The following PDIA6 variants were observed in gnomAD, a reference collection of about 807,000 sequenced individuals.
PDIA6 encodes the protein protein disulfide-isomerase A6.
PDIA6 carries 29 observed loss-of-function variants against 58.4 expected under a neutral mutation model. The ratio of observed to expected loss-of-function variants is 0.50; its 90% CI spans 0.37 to 0.68. The LOEUF (loss-of-function observed/expected upper bound fraction) is 0.68. PDIA6 is among the 30% of genes least tolerant of loss of function. The pLI is 0.00. For missense variants in PDIA6, 480 were observed against 551.0 expected (o/e 0.87, Z 1.29); for synonymous variants, 192 against 202.6 (o/e 0.95, Z 0.44).
chr2:10,802,325 A>T (rs1666545870), intron 2 of PDIA6, among the ~76,000 whole-genome samples, 174 bp downstream of exon 2: 1 of 152,166 alleles, frequency 6.6e-6, no homozygotes, highest in African/African-American at 2.4e-5. Flanking sequence ...CAAAAGACAG[A>T]TCTTCCTTAA....
At chr2:10,830,281 G>T (rs1667673325) in intron 1 of PDIA6, among the ~76,000 whole-genome samples, 1 of 152,230 alleles carries the variant, frequency 6.6e-6, no homozygotes, top group South Asian at 2.1e-4. Flanking sequence ...TGGAATGAAT[G>T]AACGCATCCG....
exon 1 of PDIA6, chr2:10,837,619 A>G (rs1344835587): frequency 2.5e-5 from 29 of 1,165,624 alleles, no homozygotes; most frequent in Non-Finnish European, 3.5e-5. Flanking sequence ...GCAGTCAGAA[A>G]AGCCCAGGCA....
chr2:10,794,462 ATCTT>A (rs1666178032), intron 4 of PDIA6, among the ~76,000 whole-genome samples: 2 of 41,954 alleles, frequency 4.8e-5, no homozygotes, highest in South Asian at 2.2e-3. Flanking sequence ...AAAAAAAAAA[ATCTT>A]TCTTTTTTTT....
intron 1 of PDIA6, among the ~76,000 whole-genome samples, chr2:10,824,281 C>A (rs1393542338): frequency 6.6e-6 from 1 of 152,110 alleles, no homozygotes; most frequent in East Asian, 1.9e-4. Flanking sequence ...GCTGCTGTGC[C>A]CAAGGTTATG....
At chr2:10,800,791 C>T (rs551858718) in intron 2 of PDIA6, among the ~76,000 whole-genome samples, 7 of 152,010 alleles carry the variant, frequency 4.6e-5, no homozygotes, top group East Asian at 1.9e-4. Flanking sequence ...TTTTTATTTT[C>T]GTAGCGATAG....
intron 3 of PDIA6, among the ~76,000 whole-genome samples, 156 bp downstream of exon 3, chr2:10,797,544 C>A (rs1165868361): frequency 6.6e-6 from 1 of 152,162 alleles, no homozygotes; most frequent in Non-Finnish European, 1.5e-5. Flanking sequence ...GACAACAGAA[C>A]CAGTATTTTC....
chr2:10,817,669 G>A (rs1169013518), upstream of PDIA6, among the ~76,000 whole-genome samples: 6 of 152,172 alleles, frequency 3.9e-5, no homozygotes, highest in Middle Eastern at 3.2e-3. Context: ...TCCACCAGGC[G>A]GAATTGTTGG....
intron 1 of PDIA6, among the ~76,000 whole-genome samples, chr2:10,824,881 C>G (rs1667504762): frequency 6.6e-6 from 1 of 152,092 alleles, no homozygotes; most frequent in East Asian, 1.9e-4. Flanking sequence ...AGAGTGTCAA[C>G]TTGATTGGAT....
intron 1 of PDIA6, among the ~76,000 whole-genome samples, chr2:10,829,591 A>C (rs1667648543): frequency 6.6e-6 from 1 of 152,180 alleles, no homozygotes; most frequent in South Asian, 2.1e-4. Flanking sequence ...TGAGTCAATC[A>C]CCAAATCCTG....
Position 10,812,736 on chromosome 2 carries a change from C to A in PDIA6, c.-40G>T. 1 of 1,482,500 alleles carries A rather than the reference C, an allele frequency of 6.7e-7. No homozygotes were observed. The highest frequency in any genetic ancestry group is 8.9e-7 in the Non-Finnish European group (1 of 1,117,822). The allele number at this position is 1,482,500 out of a possible 1,614,324, so 91.8% of individuals were successfully genotyped here. Reference sequence around the variant, plus strand: ...TACGTGCAGTCCCCACCGCCGCCGCCGCTTCAGCCCTGCAGCGTGCCGCAC... The same window carrying A: ...TACGTGCAGTCCCCACCGCCGCCGCAGCTTCAGCCCTGCAGCGTGCCGCAC... On this transcript the variant is annotated 5_prime_UTR_variant, in exon 1 of 13. Transcript: ENST00000272227.
Position 10,793,149 on chromosome 2 carries a change from G to C in PDIA6, c.400C>G (p.Leu134Val), listed in dbSNP as rs752493585. The C allele has an allele frequency of 6.2e-7, 1 of 1,614,112 alleles. No homozygotes were observed. Among genetic ancestry groups the C allele is most frequent in the East Asian group, 2.2e-5 (1 of 44,876 alleles). Reference sequence around the variant, plus strand: ...CGTCCCCCGAGGCGATCCTTCACGAGCTGGCGCAGAGCACTCAGCGCAGCA... The same window carrying C: ...CGTCCCCCGAGGCGATCCTTCACGACCTGGCGCAGAGCACTCAGCGCAGCA... ...VDAALSALRQ[L>V]VKDRLGGRSG... is the part of the protein sequence containing the mutation. The change falls in exon 5 of 13, where the codon CTC (leucine) becomes GTC (valine). Residue 134 changes from leucine (L) to valine (V), a missense_variant. By Grantham distance (32) the Leu-to-Val change is conservative. Coordinates refer to ENST00000272227, the MANE Select transcript of PDIA6 (RefSeq NM_005742.4).
chr2:10,806,629 A>AAAGAAAGAAAGAAG (rs1491187872), intron 1 of PDIA6, among the ~76,000 whole-genome samples: 1 of 69,210 alleles, frequency 1.4e-5, no homozygotes, highest in Admixed American at 1.6e-4. Flanking sequence ...AAATAAAGAC[A>AAAGAAAGAAAGAAG]GAAAGAAAGA....
upstream of PDIA6, among the ~76,000 whole-genome samples, chr2:10,816,391 C>CGT (rs1667194445): frequency 4.5e-5 from 1 of 22,160 alleles, no homozygotes; most frequent in Non-Finnish European, 8.4e-5. Context: ...CGGCCTGTAT[C>CGT]ATTTTTTTTT....
chr2:10,802,060 T>A (rs547582282), intron 2 of PDIA6, among the ~76,000 whole-genome samples: 1 of 152,380 alleles, frequency 6.6e-6, no homozygotes, highest in East Asian at 1.9e-4. Context: ...AGTGCAATGT[T>A]GTACTTTTGA....
chr2:10,791,319 TA>T (rs1666026252), intron 6 of PDIA6, among the ~76,000 whole-genome samples: 1 of 150,194 alleles, frequency 6.7e-6, no homozygotes, highest in Non-Finnish European at 1.5e-5. Flanking sequence ...AATTTTTTTG[TA>T]TTTTTAGTAG....
intron 1 of PDIA6, among the ~76,000 whole-genome samples, chr2:10,819,658 T>C (rs112612177): frequency 0.018 from 2,680 of 152,298 alleles, 91 homozygotes; most frequent in African/African-American, 0.061. Context: ...GGACACAACA[T>C]TGCACATTTG....
intron 1 of PDIA6, among the ~76,000 whole-genome samples, chr2:10,824,221 G>A (rs544927387): frequency 6.6e-6 from 1 of 151,378 alleles, no homozygotes; most frequent in African/African-American, 2.4e-5. Flanking sequence ...GTCATGGGGA[G>A]TGTTGACTGC....
intron 1 of PDIA6, chr2:10,820,927 C>G: frequency 1.4e-6 from 1 of 694,314 alleles, no homozygotes; most frequent in African/African-American, 1.8e-5. Context: ...TCCTAAGAGT[C>G]AGGAAGAGGA....
At chr2:10,786,074 G>A (rs950051544) in intron 11 of PDIA6, among the ~76,000 whole-genome samples, 3 of 152,120 alleles carry the variant, frequency 2.0e-5, no homozygotes, top group Non-Finnish European at 1.5e-5. Flanking sequence ...TGTAATCCCA[G>A]CATTTTGGGA....
Sources: allele counts gnomAD v4.1 joint callset (sites outside exome capture counted in the v4.1 genomes callset), GRCh38; gene constraint gnomAD v4.1.1; transcripts MANE v1.5; gene names NCBI Gene and HGNC (gene_info 2026-07-23, HGNC 2026-07-21).